ADRA1B: variants seen among roughly 807,000 people sequenced by gnomAD.
ADRA1B encodes the protein alpha-1B adrenergic receptor.
In ADRA1B, 17 loss-of-function variants were observed where a neutral mutation model predicts 17.9. The ratio of observed to expected loss-of-function variants is 0.95; its 90% CI spans 0.65 to 1.42. ADRA1B has a LOEUF of 1.42. Ranked by LOEUF, ADRA1B falls within the 40% of genes most tolerant of loss-of-function variation. ADRA1B has a pLI of 0.00. For missense variants in ADRA1B, 681 were observed against 722.1 expected (o/e 0.94, Z 0.65); for synonymous variants, 366 against 327.6 (o/e 1.12, Z -1.27).
intron 1 of ADRA1B, among the ~76,000 whole-genome samples, chr5:159,945,954 A>G (rs866049325): frequency 2.6e-5 from 4 of 152,114 alleles, no homozygotes; most frequent in Admixed American, 6.5e-5. Context: ...TCACCATGTT[A>G]GCCAGGATGG....
intron 1 of ADRA1B, among the ~76,000 whole-genome samples, chr5:159,942,671 G>T (rs531071327): frequency 6.6e-6 from 1 of 152,220 alleles, no homozygotes; most frequent in African/African-American, 2.4e-5. Flanking sequence ...AAGACAAATT[G>T]TTGGGGGGAG....
chr5:159,899,240 G>GAGGAAGGAAGGAAGGAAGGAAGAAAGGA (rs1561585196), intron 1 of ADRA1B, among the ~76,000 whole-genome samples: 11 of 105,522 alleles, frequency 1.0e-4, no homozygotes, highest in African/African-American at 4.1e-4. Flanking sequence ...AGGAGGGAGG[G>GAGGAAGGAAGGAAGGAAGGAAGAAAGGA]AGGAAGGAAG....
chr5:159,939,278 A>AGAGAGTGTGTGT (rs1417832136), intron 1 of ADRA1B, among the ~76,000 whole-genome samples: 3 of 98,312 alleles, frequency 3.1e-5, no homozygotes, highest in Admixed American at 1.1e-4. Context: ...AGAGAGAGAG[A>AGAGAGTGTGTGT]GTGTGTGTGT....
rs111902785 is a variant in ADRA1B, at chr5:159,952,593, CTCTTA to C, written c.950-19284_950-19280del. ...AGCTCCATGACTGAGTAAATTACTT[CTCTTA>C]TAAGTGTCGATTTCAACATCTGTAA... On this transcript the variant is annotated intron_variant, in intron 1 of 1. Coordinates refer to ENST00000306675, the MANE Select transcript of ADRA1B (RefSeq NM_000679.4). 7.3e-3 allele frequency among the ~76,000 whole-genome samples: 1,106 copies of C among 152,262 alleles called. 15 individuals are homozygous for C. The highest frequency in any genetic ancestry group is 0.024 in the African/African-American group (1,000 of 41,544).
At chr5:159,927,511 C>T (rs34525729) in intron 1 of ADRA1B, among the ~76,000 whole-genome samples, 25,988 of 151,828 alleles carry the variant, frequency 0.17, 2,289 homozygotes, top group East Asian at 0.25. Flanking sequence ...CAGATTATTT[C>T]ACCAAAAATA....
At chr5:159,929,444 G>GT (rs1168146289) in intron 1 of ADRA1B, among the ~76,000 whole-genome samples, 2 of 149,862 alleles carry the variant, frequency 1.3e-5, no homozygotes, top group Non-Finnish European at 3.0e-5. Context: ...GTTTTTTTTG[G>GT]TTTTTGTATT....
intron 1 of ADRA1B, among the ~76,000 whole-genome samples, chr5:159,910,890 T>G (rs1754220337): frequency 6.6e-6 from 1 of 152,156 alleles, no homozygotes; most frequent in Admixed American, 6.5e-5. Flanking sequence ...TTGCTGTTTT[T>G]TTGTTTTGCT....
At chr5:159,950,799 A>G in intron 1 of ADRA1B, 1 of 598,072 alleles carries the variant, frequency 1.7e-6, no homozygotes, top group Admixed American at 2.6e-5. Flanking sequence ...TGATGTGGAC[A>G]CAGAAGCCCA....
At chr5:159,933,907 G>A (rs1003694837) in intron 1 of ADRA1B, among the ~76,000 whole-genome samples, 4 of 152,364 alleles carry the variant, frequency 2.6e-5, no homozygotes, top group Middle Eastern at 3.4e-3. Flanking sequence ...ATTCCTCTAG[G>A]CATCCAAGCT....
intron 1 of ADRA1B, among the ~76,000 whole-genome samples, chr5:159,933,146 A>C (rs1261976635): frequency 6.6e-6 from 1 of 152,246 alleles, no homozygotes; most frequent in Non-Finnish European, 1.5e-5. Context: ...ATCTTTGCCA[A>C]CTTAACAGGT....
At chr5:159,955,296 G>C (rs62377697) in intron 1 of ADRA1B, 12,087 of 650,144 alleles carry the variant, frequency 0.019, 189 homozygotes, top group East Asian at 0.12. Flanking sequence ...CCAAACAAGC[G>C]AGAGGTGACA....
At chr5:159,955,268 A>G (rs1755530773) in intron 1 of ADRA1B, 1 of 891,658 alleles carries the variant, frequency 1.1e-6, no homozygotes, top group Non-Finnish European at 1.3e-6. Flanking sequence ...CTCAGGGAGG[A>G]ATGTGTGCCA....
intron 1 of ADRA1B, among the ~76,000 whole-genome samples, chr5:159,873,402 C>A (rs978337095): frequency 6.6e-6 from 1 of 152,188 alleles, no homozygotes; most frequent in Admixed American, 6.5e-5. Context: ...CAGCTGTCAG[C>A]ATGAGCTTGG....
intron 1 of ADRA1B, among the ~76,000 whole-genome samples, chr5:159,937,449 T>C (rs1424625757): frequency 8.6e-6 from 1 of 115,620 alleles, no homozygotes; most frequent in East Asian, 2.2e-4. Context: ...GTTTTTTTGT[T>C]TTTTTTTTTT....
At chr5:159,869,698 A>G (rs188569508) in intron 1 of ADRA1B, 1 of 152,126 alleles carries the variant, frequency 6.6e-6, no homozygotes, top group African/African-American at 2.4e-5. Context: ...CCTGGGTTTA[A>G]GTCTCCACTG....
intron 1 of ADRA1B, among the ~76,000 whole-genome samples, chr5:159,931,338 G>T (rs1223738767): frequency 6.6e-6 from 1 of 150,414 alleles, no homozygotes; most frequent in African/African-American, 2.5e-5. Context: ...AGGGTACAAT[G>T]AGCCATAACC....
At chr5:159,894,058 C>T (rs1177027929) in intron 1 of ADRA1B, among the ~76,000 whole-genome samples, 1 of 152,180 alleles carries the variant, frequency 6.6e-6, no homozygotes, top group Admixed American at 6.5e-5. Context: ...TATCCACCTA[C>T]CTGGCAAGGG....
chr5:159,886,762 A>T (rs979972389), intron 1 of ADRA1B, among the ~76,000 whole-genome samples: 3 of 152,170 alleles, frequency 2.0e-5, no homozygotes, highest in Non-Finnish European at 4.4e-5. Flanking sequence ...ATGGTCTTAT[A>T]ATTAAGCAGA....
At chr5:159,927,396 C>CACACACACACACAT (rs1003725109) in intron 1 of ADRA1B, among the ~76,000 whole-genome samples, 2 of 151,754 alleles carry the variant, frequency 1.3e-5, no homozygotes, top group African/African-American at 4.8e-5. Flanking sequence ...CACACACACA[C>CACACACACACACAT]ACACACACAC....
Sources: allele counts gnomAD v4.1 joint callset (sites outside exome capture counted in the v4.1 genomes callset), GRCh38; gene constraint gnomAD v4.1.1; transcripts MANE v1.5; gene names NCBI Gene and HGNC (gene_info 2026-07-23, HGNC 2026-07-21).